NT5C2: variants seen among roughly 807,000 people sequenced by gnomAD.
NT5C2 encodes cytosolic purine 5'-nucleotidase.
Under a neutral mutation model 76.1 loss-of-function variants are expected in NT5C2, and 58 were observed. That is an observed-to-expected ratio of 0.76 (90% CI 0.62 to 0.95). The LOEUF (loss-of-function observed/expected upper bound fraction) is 0.95. NT5C2 is among the 40% of genes least tolerant of loss of function. The pLI, the probability that NT5C2 is intolerant of heterozygous loss-of-function variation, is 0.00. For missense variants in NT5C2, 478 were observed against 690.3 expected, an observed-to-expected ratio of 0.69 and a Z score of 3.45; for synonymous variants, 229 against 237.4, an observed-to-expected ratio of 0.96 and a Z score of 0.32.
chr10:103,142,244 C>T (rs750807492), intron 3 of NT5C2, among the ~76,000 whole-genome samples: 8 of 151,924 alleles, frequency 5.3e-5, no homozygotes, highest in South Asian at 4.1e-4. Context: ...GACTTTATCC[C>T]GCATTTAAGA....
chr10:103,168,292 C>T (rs1225327883), intron 3 of NT5C2, among the ~76,000 whole-genome samples: 1 of 152,180 alleles, frequency 6.6e-6, no homozygotes, highest in Non-Finnish European at 1.5e-5. Context: ...AATTAATAAG[C>T]TGTGTTCACA....
chr10:103,149,156 C>T (rs891294994), intron 3 of NT5C2, among the ~76,000 whole-genome samples: 4 of 151,854 alleles, frequency 2.6e-5, no homozygotes, highest in African/African-American at 4.8e-5. Flanking sequence ...CCCAGGTGAC[C>T]GAAAGAAGCG....
chr10:103,110,056 A>G (rs1319000147), intron 4 of NT5C2, among the ~76,000 whole-genome samples: 1 of 152,168 alleles, frequency 6.6e-6, no homozygotes, highest in Non-Finnish European at 1.5e-5. Context: ...AATATGATAT[A>G]TCTTCCCCAT....
intron 3 of NT5C2, among the ~76,000 whole-genome samples, chr10:103,167,309 T>C (rs996562240): frequency 6.6e-6 from 1 of 152,134 alleles, no homozygotes. Context: ...TGAGCCACCA[T>C]GCCCAGTCCC....
intron 1 of NT5C2, among the ~76,000 whole-genome samples, chr10:103,192,636 C>T (rs911036508): frequency 6.6e-6 from 1 of 152,162 alleles, no homozygotes; most frequent in African/African-American, 2.4e-5. Flanking sequence ...GTGTTGCACA[C>T]GGGCGTGTGG....
At chr10:103,098,845 A>T in intron 10 of NT5C2, 86 bp downstream of exon 10, 1 of 951,352 alleles carries the variant, frequency 1.1e-6, no homozygotes, top group Non-Finnish European at 1.6e-6. Flanking sequence ...TCTTTTGTCC[A>T]TTTCATTATA....
intron 17 of NT5C2, 59 bp from the exon 18 acceptor site, chr10:103,090,846 G>A: frequency 1.3e-6 from 2 of 1,594,020 alleles, no homozygotes; most frequent in Non-Finnish European, 1.7e-6. Context: ...TTGAGCAGTA[G>A]TTGAATGCTA....
rs890880444 is a variant in NT5C2, at chr10:103,167,165, G to A, written c.101+7693C>T. On this transcript the variant is annotated intron_variant, in intron 3 of 18. Coordinates refer to ENST00000404739, the MANE Select transcript of NT5C2 (RefSeq NM_001351169.2). The stretch of plus-strand genomic sequence containing the variant: ...CGAGTAGCTGGGATTACAGGCACCC[G>A]CCACCACACCTGGCTAATTTTTGTA... Among the ~76,000 whole-genome samples, 15 of 151,780 alleles carry A rather than the reference G, an allele frequency of 9.9e-5. No individual in the cohort carries two copies. In the South Asian group the frequency reaches 1.3e-3, roughly 13 times the overall value.
intron 3 of NT5C2, among the ~76,000 whole-genome samples, chr10:103,142,460 C>T (rs1277798199): frequency 6.6e-6 from 1 of 151,984 alleles, no homozygotes; most frequent in Non-Finnish European, 1.5e-5. Flanking sequence ...CGCTTGAGCA[C>T]AGGAGTTCGA....
intron 1 of NT5C2, among the ~76,000 whole-genome samples, chr10:103,186,742 G>A (rs768121891): frequency 2.0e-5 from 3 of 151,166 alleles, no homozygotes; most frequent in South Asian, 2.1e-4. Context: ...GTGAAACCCC[G>A]TCTCTACTAA....
In NT5C2 at chr10:103,098,932, T is replaced by C; in HGVS notation, c.686A>G (p.Asp229Gly). 6.2e-7 allele frequency: 1 copy of C among 1,601,780 alleles called. No homozygotes were observed. The highest frequency in any genetic ancestry group is 8.5e-7 in the Non-Finnish European group (1 of 1,169,998). Residue 229 changes from aspartate (D) to glycine (G), a missense_variant and splice_region_variant, in exon 10 of 19, where the codon GAT becomes GGT. Coordinates refer to ENST00000404739, the MANE Select transcript of NT5C2 (RefSeq NM_001351169.2). ...VENLEKYVVK[D>G]GKLPLLLSRM... is the part of the protein sequence containing the mutation. ...TCTATTTTCCCCTATATTACTTACA[T>C]CTTTGACTACATACTTCTCAAGATT... is the stretch of plus-strand genomic sequence containing the variant.
chr10:103,177,124 G>T (rs796154480), intron 2 of NT5C2, among the ~76,000 whole-genome samples: 1 of 151,984 alleles, frequency 6.6e-6, no homozygotes, highest in South Asian at 2.1e-4. Flanking sequence ...CTCAGTCAAT[G>T]GTGGCACAAA....
chr10:103,182,426 CAGG>C (rs1303245339), intron 1 of NT5C2, among the ~76,000 whole-genome samples: 1 of 151,988 alleles, frequency 6.6e-6, no homozygotes, highest in Non-Finnish European at 1.5e-5. Context: ...CATCTGAGGT[CAGG>C]AGTTCAAGAC....
chr10:103,094,638 C>A, intron 12 of NT5C2, 183 bp from the exon 13 acceptor site: 1 of 534,830 alleles, frequency 1.9e-6, no homozygotes, highest in Non-Finnish European at 3.3e-6. Flanking sequence ...AATCCCAGTA[C>A]TTTGGGAGGC....
At chr10:103,115,575 T>C (rs1156573344) in intron 4 of NT5C2, among the ~76,000 whole-genome samples, 9 of 152,218 alleles carry the variant, frequency 5.9e-5, no homozygotes, top group Non-Finnish European at 1.0e-4. Context: ...ACACTAGTAA[T>C]TGATTCTTTC....
chr10:103,091,101 C>T (rs755569669), intron 16 of NT5C2, 105 bp from the exon 17 acceptor site: 6 of 967,058 alleles, frequency 6.2e-6, no homozygotes, highest in East Asian at 2.5e-5. Context: ...GGGGTGTGAT[C>T]GCGGCTCACT....
At chr10:103,094,162 C>T in intron 13 of NT5C2, 124 bp from the exon 14 acceptor site, 1 of 610,368 alleles carries the variant, frequency 1.6e-6, no homozygotes. Context: ...AAATGAATGG[C>T]ACTTACTCTT....
Position 103,089,739 on chromosome 10 carries a change from GC to G in NT5C2, c.1618del (p.Ala540ProfsTer73). ...EIKPPNLFPLAPQEITHCHDE... is the reference protein window; with the variant it reads ...EIKPPNLFPLXPQEITHCHDE... ...ATGGCAGTGTGTAATTTCCTGGGGGGCCAGTGGGAAGAGGTTGGGAGGTTTA... is the reference window on the plus strand; with the variant it reads ...ATGGCAGTGTGTAATTTCCTGGGGGGCAGTGGGAAGAGGTTGGGAGGTTTA... On this transcript the variant is annotated frameshift_variant, in exon 19 of 19. Coordinates refer to ENST00000404739, the MANE Select transcript of NT5C2 (RefSeq NM_001351169.2). LOFTEE classifies it high-confidence loss of function. 1 of 1,613,686 alleles carries G rather than the reference GC, an allele frequency of 6.2e-7. No homozygotes were observed. Among genetic ancestry groups the G allele is most frequent in the Non-Finnish European group, 8.5e-7 (1 of 1,179,892 alleles).
chr10:103,128,335 C>T (rs868714057), intron 4 of NT5C2, among the ~76,000 whole-genome samples: 3 of 147,662 alleles, frequency 2.0e-5, no homozygotes, highest in African/African-American at 7.5e-5. Context: ...CCCGAGGTGC[C>T]GGGATTGCAG....
Sources: allele counts gnomAD v4.1 joint callset (sites outside exome capture counted in the v4.1 genomes callset), GRCh38; gene constraint gnomAD v4.1.1; transcripts MANE v1.5; gene names NCBI Gene and HGNC (gene_info 2026-07-23, HGNC 2026-07-21).